Variants in PDE1A observed in about 807,000 individuals in gnomAD.
The protein encoded by PDE1A is phosphodiesterase 1A, also known as dual specificity calcium/calmodulin-dependent 3',5'-cyclic nucleotide phosphodiesterase 1A.
Under a neutral mutation model 61.7 loss-of-function variants are expected in PDE1A, and 35 were observed. The observed-to-expected ratio is 0.57, with a 90% confidence interval of 0.43 to 0.75. The LOEUF (loss-of-function observed/expected upper bound fraction) is 0.75, where lower values mean the gene tolerates loss of function less well. Among genes scored for constraint, PDE1A ranks in the 30% least tolerant of loss-of-function variants. PDE1A has a pLI of 0.00. For synonymous variants in PDE1A, 232 were observed against 213.2 expected, an observed-to-expected ratio of 1.09 and a Z score of -0.77; for missense variants, 597 against 630.6, an observed-to-expected ratio of 0.95 and a Z score of 0.57.
intron 2 of PDE1A, among the ~76,000 whole-genome samples, chr2:182,491,612 G>A (rs1688400111): frequency 6.6e-6 from 1 of 152,160 alleles, no homozygotes; most frequent in Non-Finnish European, 1.5e-5. Flanking sequence ...GACGAAATAT[G>A]GGAAAGCTGT....
intron 10 of PDE1A, 93 bp downstream of exon 10, chr2:182,201,346 G>C (rs1221871210): frequency 6.8e-7 from 1 of 1,469,612 alleles, no homozygotes; most frequent in Admixed American, 2.1e-5. Flanking sequence ...ATAATAGTAA[G>C]TCACAAGCCC....
intron 2 of PDE1A, among the ~76,000 whole-genome samples, chr2:182,262,968 TG>T (rs2125783395): frequency 6.6e-6 from 1 of 151,810 alleles, no homozygotes; most frequent in African/African-American, 2.4e-5. Context: ...TGTGTGTGTG[TG>T]TGTGTGTGTG....
At chr2:182,516,741 G>GAAGGAAGGAAGGAAGGAAGGAAGGAA (rs1690192870) in intron 2 of PDE1A, among the ~76,000 whole-genome samples, 1 of 117,836 alleles carries the variant, frequency 8.5e-6, no homozygotes, top group South Asian at 3.0e-4. Flanking sequence ...AGGAAGGAAG[G>GAAGGAAGGAAGGAAGGAAGGAAGGAA]AAAAAGAGAG....
At chr2:182,508,779 TTTTTATTTTA>T (rs543731232) in intron 2 of PDE1A, among the ~76,000 whole-genome samples, 8 of 149,072 alleles carry the variant, frequency 5.4e-5, no homozygotes, top group East Asian at 1.9e-4. Context: ...TTGTTGATTA[TTTTTATTTTA>T]TTTTATTTTA....
chr2:182,343,638 G>C (rs184196363), intron 1 of PDE1A, among the ~76,000 whole-genome samples: 117 of 152,142 alleles, frequency 7.7e-4, no homozygotes, highest in Non-Finnish European at 1.5e-3. Context: ...CTATTATTGT[G>C]TTTTTGCAAT....
the PDE1A span, among the ~76,000 whole-genome samples, chr2:182,576,316 T>C: frequency 7.9e-5 from 12 of 152,174 alleles, no homozygotes; most frequent in Non-Finnish European, 5.9e-5. Flanking sequence ...AATGGCACCA[T>C]ATTTGTCTTT....
At chr2:182,684,870 G>A in the PDE1A span, among the ~76,000 whole-genome samples, 8 of 151,916 alleles carry the variant, frequency 5.3e-5, no homozygotes, top group South Asian at 2.1e-4. Flanking sequence ...CTTAAATGAT[G>A]TATTAGGTTA....
At chr2:182,332,137 G>A (rs564761677) in intron 1 of PDE1A, among the ~76,000 whole-genome samples, 21 of 151,802 alleles carry the variant, frequency 1.4e-4, no homozygotes, top group Admixed American at 2.6e-4. Context: ...CCGCTTCATC[G>A]ATTCAGCTAC....
intron 2 of PDE1A, among the ~76,000 whole-genome samples, chr2:182,453,897 A>T (rs1350930746): frequency 3.9e-5 from 6 of 151,978 alleles, no homozygotes; most frequent in Non-Finnish European, 5.9e-5. Flanking sequence ...TATTCAACAC[A>T]GTGTTGGAAG....
intron 10 of PDE1A, among the ~76,000 whole-genome samples, chr2:182,193,912 G>A (rs1685919801): frequency 6.6e-6 from 1 of 151,990 alleles, no homozygotes; most frequent in Admixed American, 6.6e-5. Context: ...TTTTTGAAAA[G>A]CCAGATCCTT....
chr2:182,174,631 T>TAAAGC, intron 13 of PDE1A, among the ~76,000 whole-genome samples: 1 of 152,264 alleles, frequency 6.6e-6, no homozygotes, highest in East Asian at 1.9e-4. Flanking sequence ...GTATAATCCT[T>TAAAGC]TAAGTATTTT....
the PDE1A span, among the ~76,000 whole-genome samples, chr2:182,568,272 AC>A: frequency 6.6e-6 from 1 of 152,214 alleles, no homozygotes; most frequent in African/African-American, 2.4e-5. Flanking sequence ...TAAGAAAAAA[AC>A]ATTTTTCATT....
intron 1 of PDE1A, among the ~76,000 whole-genome samples, chr2:182,406,792 A>T (rs1342549209): frequency 6.6e-6 from 1 of 152,112 alleles, no homozygotes; most frequent in Non-Finnish European, 1.5e-5. Context: ...AAAACTACAG[A>T]TATTACAAGA....
intron 2 of PDE1A, among the ~76,000 whole-genome samples, chr2:182,256,148 A>T (rs1223538546): frequency 7.2e-6 from 1 of 138,842 alleles, no homozygotes; most frequent in East Asian, 2.1e-4. Flanking sequence ...GGTTAGTTAC[A>T]TATGTATACA....
chr2:182,399,845 T>C (rs1301544766), intron 1 of PDE1A, among the ~76,000 whole-genome samples: 1 of 152,114 alleles, frequency 6.6e-6, no homozygotes, highest in Non-Finnish European at 1.5e-5. Context: ...ATCATTAAGA[T>C]TGTTTCTAAT....
At chr2:182,597,492 G>C in the PDE1A span, among the ~76,000 whole-genome samples, 3 of 152,164 alleles carry the variant, frequency 2.0e-5, no homozygotes, top group Admixed American at 6.5e-5. Flanking sequence ...TGGTGGGCCA[G>C]GACAGGGCAT....
intron 1 of PDE1A, among the ~76,000 whole-genome samples, chr2:182,306,138 T>G (rs1285729200): frequency 1.3e-5 from 2 of 152,156 alleles, no homozygotes; most frequent in African/African-American, 4.8e-5. Flanking sequence ...AGTATTAGTT[T>G]TTCCTTGCCT....
intron 3 of PDE1A, among the ~76,000 whole-genome samples, chr2:182,235,904 G>A (rs1290300097): frequency 6.6e-6 from 1 of 152,100 alleles, no homozygotes; most frequent in African/African-American, 2.4e-5. Context: ...AAATGCATGG[G>A]ACATATTACT....
At chr2:182,406,964 A>G (rs1702333012) in intron 1 of PDE1A, among the ~76,000 whole-genome samples, 1 of 152,130 alleles carries the variant, frequency 6.6e-6, no homozygotes, top group Admixed American at 6.5e-5. Flanking sequence ...TGTTGTCTAA[A>G]TTGATCTTCT....
Sources: gnomAD v4.1 joint callset for allele counts (sites outside exome capture counted in the v4.1 genomes callset) on GRCh38, gnomAD v4.1.1 for gene constraint, MANE v1.5 for transcripts, NCBI Gene and HGNC (gene_info 2026-07-23, HGNC 2026-07-21) for gene names.